TRPC4AP: variants seen among roughly 807,000 people sequenced by gnomAD.
TRPC4AP encodes the protein transient receptor potential cation channel subfamily C member 4 associated protein.
TRPC4AP carries 45 observed loss-of-function variants against 99.0 expected under a neutral mutation model. The observed-to-expected ratio is 0.45, with a 90% CI of 0.36 to 0.58. The LOEUF is 0.58. Among genes scored for constraint, TRPC4AP ranks in the 20% least tolerant of loss-of-function variants. The pLI is 0.00. For missense variants in TRPC4AP, 879 were observed against 985.3 expected (o/e 0.89, Z 1.44); for synonymous variants, 408 against 385.8 (o/e 1.06, Z -0.67).
intron 2 of TRPC4AP, among the ~76,000 whole-genome samples, chr20:35,071,320 T>C (rs562078185): frequency 3.3e-5 from 5 of 152,150 alleles, no homozygotes; most frequent in African/African-American, 9.7e-5. Flanking sequence ...CTAGGGTACT[T>C]GTGCACAACA....
At chr20:35,041,505 A>G (rs2083445828) in intron 7 of TRPC4AP, among the ~76,000 whole-genome samples, 1 of 152,210 alleles carries the variant, frequency 6.6e-6, no homozygotes, top group Admixed American at 6.5e-5. Flanking sequence ...CACAGATATG[A>G]AAGTGAATCT....
intron 11 of TRPC4AP, among the ~76,000 whole-genome samples, chr20:35,011,635 ACACCC>A (rs1183883162): frequency 1.6e-4 from 10 of 64,298 alleles, no homozygotes; most frequent in East Asian, 1.9e-3. Context: ...GTGACCCACA[ACACCC>A]TGTGACTGTG....
At chr20:35,052,331 C>G (rs1416363492) in intron 5 of TRPC4AP, among the ~76,000 whole-genome samples, 2 of 151,624 alleles carry the variant, frequency 1.3e-5, no homozygotes, top group Non-Finnish European at 2.9e-5. Flanking sequence ...TGGACACACA[C>G]AATTCTCCTG....
rs1200744491 is a variant in TRPC4AP at position 35,013,212 on chromosome 20, T to C, written c.1351-146A>G. ...TTTTCTTTAGTTAGAAAACCATCTG[T>C]TCACTTCCACATCTGATCAACAGCA... is the stretch of plus-strand genomic sequence containing the variant. On this transcript the variant is annotated intron_variant, in intron 10 of 18. Transcript: ENST00000252015. 5 of 697,208 alleles carry C rather than the reference T, an allele frequency of 7.2e-6. No individual in the cohort carries two copies. The East Asian group carries it at 1.3e-4, about 18-fold the overall frequency. The allele number at this position is 697,208 out of a possible 1,614,324, so 43.2% of individuals were successfully genotyped here.
At chr20:35,039,567 C>T (rs1292423969) in intron 7 of TRPC4AP, among the ~76,000 whole-genome samples, 2 of 152,174 alleles carry the variant, frequency 1.3e-5, no homozygotes, top group Non-Finnish European at 2.9e-5. Flanking sequence ...AGAAGCAGGC[C>T]TCTTCTCTCT....
At chr20:35,027,899 A>C (rs6088682) in intron 8 of TRPC4AP, among the ~76,000 whole-genome samples, 28,178 of 151,992 alleles carry the variant, frequency 0.19, 2,699 homozygotes, top group Middle Eastern at 0.34. Context: ...TTTTTTGGTC[A>C]GTGTGGCTAA....
At chr20:35,045,347 C>T (rs1339991110) in intron 6 of TRPC4AP, among the ~76,000 whole-genome samples, 1 of 152,170 alleles carries the variant, frequency 6.6e-6, no homozygotes, top group East Asian at 1.9e-4. Context: ...TCAATCACTT[C>T]CCGCCGTTTT....
At chr20:35,040,542 C>G (rs1214420018) in intron 7 of TRPC4AP, among the ~76,000 whole-genome samples, 1 of 152,220 alleles carries the variant, frequency 6.6e-6, no homozygotes, top group African/African-American at 2.4e-5. Context: ...GTTTTCCGGA[C>G]TTGGACTGAG....
At chr20:35,064,850 C>A (rs2084103008) in intron 3 of TRPC4AP, among the ~76,000 whole-genome samples, 1 of 152,140 alleles carries the variant, frequency 6.6e-6, no homozygotes, top group South Asian at 2.1e-4. Flanking sequence ...TCATAAAATT[C>A]AACAAAATAG....
At position 35,092,758 on chromosome 20, in the gene TRPC4AP, A is replaced by T. The variant is rs1162325543; in HGVS notation, c.24T>A (p.Ala8=). MAAAPVA[A]GSGAGRGRRS... is the part of the protein sequence containing the mutation. ...GTCTCCCTCGGCCGGCTCCAGACCCAGCCGCTACCGGCGCCGCCGCCATGT... is the reference window on the plus strand; with the variant it reads ...GTCTCCCTCGGCCGGCTCCAGACCCTGCCGCTACCGGCGCCGCCGCCATGT... Residue 8 remains alanine, a synonymous_variant, in exon 1 of 19, where the codon GCT becomes GCA. Transcript: ENST00000252015. The T allele has an allele frequency of 6.5e-7, 1 of 1,547,048 alleles. No individual in the cohort carries two copies.
chr20:35,075,365 C>T (rs926959549), intron 2 of TRPC4AP, among the ~76,000 whole-genome samples: 1 of 152,192 alleles, frequency 6.6e-6, no homozygotes, highest in African/African-American at 2.4e-5. Flanking sequence ...AAGGTCTTTA[C>T]AATTTGGCAT....
chr20:35,055,582 A>G (rs781256082), intron 4 of TRPC4AP, among the ~76,000 whole-genome samples: 25 of 152,310 alleles, frequency 1.6e-4, no homozygotes, highest in Non-Finnish European at 3.7e-4. Context: ...ATCACAGCTC[A>G]CTGTAGTCTC....
intron 1 of TRPC4AP, among the ~76,000 whole-genome samples, chr20:35,085,526 T>C (rs533762564): frequency 2.6e-5 from 4 of 151,728 alleles, no homozygotes; most frequent in South Asian, 4.2e-4. Flanking sequence ...GGTGGGAGGA[T>C]TGCTTGAGCC....
intron 10 of TRPC4AP, among the ~76,000 whole-genome samples, chr20:35,013,420 A>T (rs2082682403): frequency 6.6e-6 from 1 of 152,126 alleles, no homozygotes; most frequent in South Asian, 2.1e-4. Context: ...CTCTACTAAA[A>T]ATACAAAAAT....
chr20:35,074,390 T>G (rs2084414306), intron 2 of TRPC4AP, among the ~76,000 whole-genome samples: 2 of 152,328 alleles, frequency 1.3e-5, no homozygotes, highest in South Asian at 4.1e-4. Context: ...CTTTCCGGCT[T>G]TCTCTTGTGT....
At chr20:35,050,558 T>C (rs1251547550) in intron 5 of TRPC4AP, among the ~76,000 whole-genome samples, 1 of 151,606 alleles carries the variant, frequency 6.6e-6, no homozygotes, top group Non-Finnish European at 1.5e-5. Context: ...ACTGAAAATA[T>C]AAATATTAGC....
intron 15 of TRPC4AP, 74 bp downstream of exon 15, chr20:35,006,353 TGCCTAAAG>T: frequency 1.3e-6 from 2 of 1,540,464 alleles, no homozygotes; most frequent in East Asian, 4.5e-5. Flanking sequence ...GTAAAACCTG[TGCCTAAAG>T]CCTGGCAGAC....
At chr20:35,072,430 C>A (rs1311095331) in intron 2 of TRPC4AP, among the ~76,000 whole-genome samples, 1 of 151,934 alleles carries the variant, frequency 6.6e-6, no homozygotes, top group Non-Finnish European at 1.5e-5. Context: ...ACATTTAAGT[C>A]TTTAATCAAT....
chr20:35,006,329 CCGT>C, intron 15 of TRPC4AP, 103 bp downstream of exon 15: 1 of 1,364,292 alleles, frequency 7.3e-7, no homozygotes, highest in Admixed American at 1.9e-5. Context: ...CCAGACTCCC[CCGT>C]CGTCTCTAAC....
Sources: allele counts gnomAD v4.1 joint callset (sites outside exome capture counted in the v4.1 genomes callset), GRCh38; gene constraint gnomAD v4.1.1; transcripts MANE v1.5; gene names NCBI Gene and HGNC (gene_info 2026-07-23, HGNC 2026-07-21).